Variants in SGK3 observed in about 807,000 individuals in gnomAD.
SGK3 encodes the protein serum/glucocorticoid regulated kinase family member 3, also known as serine/threonine-protein kinase Sgk3.
Under a neutral mutation model 68.5 loss-of-function variants are expected in SGK3, and 47 were observed. That is an observed-to-expected ratio of 0.69 (90% CI 0.54 to 0.87). The LOEUF (loss-of-function observed/expected upper bound fraction) is 0.87. SGK3 is among the 40% of genes least tolerant of loss of function. The pLI, the probability that SGK3 is intolerant of heterozygous loss-of-function variation, is 0.00. For synonymous variants in SGK3, 181 were observed against 189.1 expected (o/e 0.96, Z 0.35); for missense variants, 479 against 575.5 (o/e 0.83, Z 1.72).
In SGK3 at chr8:66,861,524, G is replaced by T. The variant is rs1458538317; in HGVS notation, c.*1943G>T. On this transcript the variant is annotated 3_prime_UTR_variant, in exon 17 of 17. Coordinates refer to ENST00000521198, the MANE Select transcript of SGK3 (RefSeq NM_001033578.3). ...AAGCTTACCTTGGATTCTTGGCTTA[G>T]AGTAGAGGTTTTTTTTAAGTTATGG... The T allele has an allele frequency of 6.6e-6, 1 of 152,166 alleles. No homozygotes were observed. The highest frequency in any genetic ancestry group is 6.5e-5 in the Admixed American group (1 of 15,268). 9.4% of individuals were successfully genotyped at this position (152,166 alleles called of 1,614,324 possible). A position where few individuals can be genotyped will look rare whatever the true frequency, so the allele number is the denominator to read the frequency against.
intron 4 of SGK3, among the ~76,000 whole-genome samples, chr8:66,805,535 AAAG>A (rs1474702707): frequency 6.6e-6 from 1 of 151,896 alleles, no homozygotes. Context: ...AAAAAAAAAA[AAAG>A]AGAGAGGGAC....
chr8:66,786,015 G>C (rs1235637084), intron 1 of SGK3, among the ~76,000 whole-genome samples: 2 of 152,136 alleles, frequency 1.3e-5, no homozygotes, highest in Non-Finnish European at 2.9e-5. Context: ...GAATGACATA[G>C]CTTTTTGTTC....
At chr8:66,737,297 T>C (rs1805349183) in intron 1 of SGK3, 1 of 151,800 alleles carries the variant, frequency 6.6e-6, no homozygotes, top group South Asian at 2.1e-4. Flanking sequence ...AGCAGGAGGA[T>C]CGCCTAAGCT....
chr8:66,789,419 C>T (rs553078932), intron 1 of SGK3, among the ~76,000 whole-genome samples: 1 of 152,266 alleles, frequency 6.6e-6, no homozygotes, highest in Non-Finnish European at 1.5e-5. Flanking sequence ...CCTTTTCTCC[C>T]ATTATAGCTT....
At chr8:66,754,541 G>C (rs571469864) in intron 1 of SGK3, among the ~76,000 whole-genome samples, 8 of 152,294 alleles carry the variant, frequency 5.3e-5, no homozygotes, top group African/African-American at 1.9e-4. Flanking sequence ...TGGAATATCT[G>C]CATATACATG....
chr8:66,824,573 G>A (rs543711355), intron 6 of SGK3, among the ~76,000 whole-genome samples: 3 of 152,180 alleles, frequency 2.0e-5, no homozygotes, highest in Admixed American at 6.5e-5. Context: ...AAGCAATTCA[G>A]CAGTACATAT....
At chr8:66,842,377 C>T (rs1443924431) in intron 13 of SGK3, among the ~76,000 whole-genome samples, 3 of 151,976 alleles carry the variant, frequency 2.0e-5, no homozygotes, top group South Asian at 2.1e-4. Flanking sequence ...CCCGCCACCA[C>T]GCCTGGCTAA....
At chr8:66,813,337 TTTTG>T (rs968612642) in intron 4 of SGK3, among the ~76,000 whole-genome samples, 3 of 152,170 alleles carry the variant, frequency 2.0e-5, no homozygotes, top group Non-Finnish European at 2.9e-5. Context: ...TTTTAAGGTT[TTTTG>T]TTTGTTTGTT....
At chr8:66,800,419 G>A (rs1807894564) in intron 3 of SGK3, among the ~76,000 whole-genome samples, 1 of 141,128 alleles carries the variant, frequency 7.1e-6, no homozygotes, top group South Asian at 2.2e-4. Flanking sequence ...AAGTTTTAGG[G>A]TACATGTGCA....
rs1455982625 is a variant in SGK3 at position 66,859,416 on chromosome 8, A to AC, written c.1328dup (p.Asp444ArgfsTer2). 2 of 1,607,298 alleles carry AC rather than the reference A, an allele frequency of 1.2e-6. No individual in the cohort carries two copies. The highest frequency in any genetic ancestry group is 1.7e-6 in the Non-Finnish European group (2 of 1,175,496). On this transcript the variant is annotated frameshift_variant, in exon 17 of 17. Coordinates refer to ENST00000521198, the MANE Select transcript of SGK3 (RefSeq NM_001033578.3). LOFTEE classifies it high-confidence loss of function. ...CTGTGCTTTTGATGTTTTAGGCTGG[A>AC]CCAGATGATATCAGAAACTTTGACA...
At chr8:66,784,037 A>G (rs1807099037) in intron 1 of SGK3, among the ~76,000 whole-genome samples, 1 of 152,078 alleles carries the variant, frequency 6.6e-6, no homozygotes, top group Admixed American at 6.6e-5. Context: ...AGCCAGGACT[A>G]CAGGTACGTG....
chr8:66,759,080 C>CTTTTT lies in SGK3; in HGVS notation c.-121-34525_-121-34521dup, dbSNP rs752312636. ...CTTCTTTTTTCTTTTTTCTTTTCTTCTTTTTTTTTTTTTTTGAGACAGAGT... is the reference window on the plus strand; with the variant it reads ...CTTCTTTTTTCTTTTTTCTTTTCTTCTTTTTTTTTTTTTTTTTTTTGAGACAGAGT... On this transcript the variant is annotated intron_variant, in intron 1 of 16. Transcript: ENST00000521198. Among the ~76,000 whole-genome samples, 20 of 140,420 alleles carry CTTTTT rather than the reference C, an allele frequency of 1.4e-4. 1 individual carries two copies. The highest frequency in any genetic ancestry group is 4.3e-4 in the Admixed American group (6 of 13,918). 92.1% of individuals were successfully genotyped at this position (140,420 alleles called of 152,430 possible).
At chr8:66,729,110 T>G (rs1805062824) in intron 1 of SGK3, among the ~76,000 whole-genome samples, 1 of 150,798 alleles carries the variant, frequency 6.6e-6, no homozygotes, top group African/African-American at 2.4e-5. Flanking sequence ...TCCCAGCTAC[T>G]TGGGAGGCTG....
At chr8:66,767,782 A>T (rs774918192) in intron 1 of SGK3, 8 of 1,575,040 alleles carry the variant, frequency 5.1e-6, no homozygotes, top group Non-Finnish European at 6.1e-6. Context: ...ATTGGTCTTT[A>T]CTGACTTTTC....
At chr8:66,855,377 A>G (rs1439081279) in intron 16 of SGK3, among the ~76,000 whole-genome samples, 2 of 151,972 alleles carry the variant, frequency 1.3e-5, no homozygotes, top group African/African-American at 2.4e-5. Flanking sequence ...TAATTTTTGT[A>G]TTTTTAGTAG....
At chr8:66,773,881 A>T (rs1218736832) in intron 1 of SGK3, among the ~76,000 whole-genome samples, 1 of 152,220 alleles carries the variant, frequency 6.6e-6, no homozygotes, top group Non-Finnish European at 1.5e-5. Flanking sequence ...ACTGTTGGTC[A>T]AAAAAAGAAA....
chr8:66,836,208 T>A (rs1221634488), intron 10 of SGK3, 134 bp downstream of exon 10: 1 of 1,179,902 alleles, frequency 8.5e-7, no homozygotes, highest in African/African-American at 1.5e-5. Flanking sequence ...AGGTACTGGC[T>A]GAGTACAGGA....
chr8:66,859,547 C>G lies in SGK3; in HGVS notation c.1457C>G (p.Ser486Cys). The change falls in exon 17 of 17, where the codon TCT (serine) becomes TGT (cysteine). Residue 486 changes from serine (S) to cysteine (C), a missense_variant. By Grantham distance (112) the Ser-to-Cys change is moderately radical. This residue lies in a region of SGK3 where 173 missense variants were observed against 214.3 expected (regional missense o/e 0.81). Transcript: ENST00000521198. ...LEADDAFVGF[S>C]YAPPSEDLFL ...GCAGATGATGCATTCGTTGGTTTCT[C>G]TTATGCACCTCCTTCAGAAGACTTA... The G allele has an allele frequency of 6.2e-7, 1 of 1,612,440 alleles. No individual in the cohort carries two copies. Among genetic ancestry groups the G allele is most frequent in the Non-Finnish European group, 8.5e-7 (1 of 1,178,948 alleles).
At chr8:66,852,022 A>G (rs1810311978) in intron 16 of SGK3, among the ~76,000 whole-genome samples, 1 of 152,138 alleles carries the variant, frequency 6.6e-6, no homozygotes, top group Non-Finnish European at 1.5e-5. Context: ...TTCCAGAGTC[A>G]TTATTCTGTT....
Sources: gnomAD v4.1 joint callset for allele counts (sites outside exome capture counted in the v4.1 genomes callset) on GRCh38, gnomAD v4.1.1 for gene constraint, gnomAD v4.1.1 regional missense constraint, MANE v1.5 for transcripts, NCBI Gene and HGNC (gene_info 2026-07-23, HGNC 2026-07-21) for gene names.